Variants in BACH2 observed in about 807,000 individuals in gnomAD.
BACH2 encodes the protein BACH transcriptional regulator 2, also known as transcription regulator protein BACH2.
Under a neutral mutation model 61.8 loss-of-function variants are expected in BACH2, and 5 were observed. The observed-to-expected ratio is 0.08, with a 90% CI of 0.04 to 0.17. BACH2 has a LOEUF of 0.17. Among genes scored for constraint, BACH2 ranks in the 10% least tolerant of loss-of-function variants. The pLI is 1.00. For missense variants in BACH2, 824 were observed against 1,091.1 expected, an observed-to-expected ratio of 0.76 and a Z score of 3.45; for synonymous variants, 446 against 440.1, an observed-to-expected ratio of 1.01 and a Z score of -0.17.
chr6:89,932,886 C>A lies in BACH2; in HGVS notation c.2048G>T (p.Cys683Phe). ...NLECEIRKLV[C>F]EKEKLLSERN... Reference sequence around the variant, plus strand: ...CTCTGACAACAGTTTCTCTTTCTCACACACCTGGACAGTAGAGAAAAAAAG... The same window carrying A: ...CTCTGACAACAGTTTCTCTTTCTCAAACACCTGGACAGTAGAGAAAAAAAG... The change falls in exon 9 of 9, where the codon TGT (cysteine) becomes TTT (phenylalanine). Residue 683 changes from cysteine to phenylalanine, a missense_variant. Physicochemically the swap from Cys to Phe is radical, Grantham distance 205. This residue lies in a region of BACH2 where 160 missense variants were observed against 283.5 expected (regional missense o/e 0.56). Transcript: ENST00000257749. 6.3e-7 allele frequency: 1 copy of A among 1,578,708 alleles called. No individual in the cohort carries two copies. The highest frequency in any genetic ancestry group is 1.2e-5 in the South Asian group (1 of 86,932).
chr6:90,247,246 C>A (rs1463713787), intron 3 of BACH2, among the ~76,000 whole-genome samples: 1 of 141,152 alleles, frequency 7.1e-6, no homozygotes, highest in African/African-American at 2.6e-5. Flanking sequence ...TCTTCTTCTT[C>A]TTTTTTTTTT....
intron 5 of BACH2, among the ~76,000 whole-genome samples, chr6:90,083,609 T>C (rs192208310): frequency 6.6e-6 from 1 of 152,320 alleles, no homozygotes; most frequent in East Asian, 1.9e-4. Flanking sequence ...TAAAATGATT[T>C]CATATATTAG....
At chr6:90,101,839 T>G (rs938638802) in intron 4 of BACH2, among the ~76,000 whole-genome samples, 10 of 152,218 alleles carry the variant, frequency 6.6e-5, no homozygotes, top group African/African-American at 2.4e-4. Context: ...TTCTATAGTA[T>G]TCTGTAATTT....
At chr6:90,259,368 A>G (rs115126689) in intron 2 of BACH2, among the ~76,000 whole-genome samples, 1,901 of 152,290 alleles carry the variant, frequency 0.012, 46 homozygotes, top group African/African-American at 0.043. Flanking sequence ...GCAATGTATC[A>G]CTACTGATTG....
At chr6:90,113,556 T>C (rs748455162) in intron 4 of BACH2, among the ~76,000 whole-genome samples, 1 of 151,972 alleles carries the variant, frequency 6.6e-6, no homozygotes, top group Non-Finnish European at 1.5e-5. Flanking sequence ...AGAACAAAGA[T>C]ATACCAGAAT....
At chr6:90,171,278 T>C (rs1007024779) in intron 4 of BACH2, among the ~76,000 whole-genome samples, 1 of 151,948 alleles carries the variant, frequency 6.6e-6, no homozygotes, top group Middle Eastern at 3.4e-3. Context: ...CCAGGTGTGG[T>C]AGTGTGCACC....
chr6:90,013,958 T>C (rs1342980621), intron 5 of BACH2, among the ~76,000 whole-genome samples: 6 of 152,036 alleles, frequency 3.9e-5, no homozygotes, highest in Non-Finnish European at 8.8e-5. Context: ...ATTTCTTATT[T>C]TTTTTTGTAG....
intron 5 of BACH2, among the ~76,000 whole-genome samples, chr6:90,043,095 G>A (rs1028202901): frequency 1.3e-5 from 2 of 152,206 alleles, no homozygotes; most frequent in African/African-American, 4.8e-5. Flanking sequence ...ACATGAATGA[G>A]GGTGTCATTT....
chr6:90,098,518 T>TAAAA (rs1034442523), intron 4 of BACH2, among the ~76,000 whole-genome samples: 1 of 152,168 alleles, frequency 6.6e-6, no homozygotes, highest in Non-Finnish European at 1.5e-5. Flanking sequence ...AACATTTAAA[T>TAAAA]AACTTTTAAA....
chr6:89,982,962 T>C (rs912818345), intron 6 of BACH2, among the ~76,000 whole-genome samples: 18 of 152,168 alleles, frequency 1.2e-4, no homozygotes, highest in African/African-American at 3.1e-4. Context: ...CAAAAAAGCA[T>C]AGGCATTGGA....
chr6:89,976,298 C>T (rs1254599458), intron 6 of BACH2, among the ~76,000 whole-genome samples: 2 of 152,216 alleles, frequency 1.3e-5, no homozygotes, highest in African/African-American at 4.8e-5. Flanking sequence ...CGTAAAAATG[C>T]AGGCACATTA....
At chr6:89,949,590 G>C (rs1463613724) in intron 7 of BACH2, among the ~76,000 whole-genome samples, 1 of 152,156 alleles carries the variant, frequency 6.6e-6, no homozygotes, top group African/African-American at 2.4e-5. Flanking sequence ...TGCTTTCAGG[G>C]TGGATGAAAC....
chr6:90,196,306 T>A (rs985767702), intron 4 of BACH2, among the ~76,000 whole-genome samples: 2 of 152,170 alleles, frequency 1.3e-5, no homozygotes, highest in Non-Finnish European at 2.9e-5. Flanking sequence ...ATAAAAAAGG[T>A]AGCAATTTTT....
intron 6 of BACH2, among the ~76,000 whole-genome samples, chr6:89,960,838 G>A (rs929793290): frequency 6.6e-6 from 1 of 152,226 alleles, no homozygotes; most frequent in Non-Finnish European, 1.5e-5. Context: ...GGAGCGTTAC[G>A]TGTCCCCTCT....
intron 4 of BACH2, among the ~76,000 whole-genome samples, chr6:90,201,813 A>G (rs888007475): frequency 3.9e-5 from 6 of 152,216 alleles, no homozygotes. Flanking sequence ...AGTCTGCCAC[A>G]AGGAGGACCT....
chr6:89,955,647 A>T (rs1774387350), intron 6 of BACH2, among the ~76,000 whole-genome samples: 1 of 152,218 alleles, frequency 6.6e-6, no homozygotes, highest in Non-Finnish European at 1.5e-5. Flanking sequence ...ACCTGCCAGC[A>T]AGTGTTACAA....
intron 4 of BACH2, among the ~76,000 whole-genome samples, chr6:90,108,595 C>T (rs201874547): frequency 1.5e-5 from 2 of 133,456 alleles, no homozygotes; most frequent in Non-Finnish European, 3.5e-5. Context: ...CTGAGATCAG[C>T]CTGAGATCAG....
intron 4 of BACH2, among the ~76,000 whole-genome samples, chr6:90,106,645 T>C (rs567187006): frequency 6.6e-6 from 1 of 152,346 alleles, no homozygotes; most frequent in South Asian, 2.1e-4. Flanking sequence ...GACTGTGCTA[T>C]TATGAGGTGA....
chr6:90,208,764 T>C (rs572662124), intron 3 of BACH2, among the ~76,000 whole-genome samples: 41 of 152,338 alleles, frequency 2.7e-4, no homozygotes, highest in African/African-American at 9.6e-4. Context: ...ATATGTTTAT[T>C]GCAGCACTGT....
Sources: allele counts gnomAD v4.1 joint callset (sites outside exome capture counted in the v4.1 genomes callset), GRCh38; gene constraint gnomAD v4.1.1; regional missense constraint gnomAD v4.1.1; transcripts MANE v1.5; gene names NCBI Gene and HGNC (gene_info 2026-07-23, HGNC 2026-07-21).